TBCEL: variants seen among roughly 807,000 people sequenced by gnomAD.
TBCEL encodes tubulin-specific chaperone cofactor E-like protein.
TBCEL carries 15 observed loss-of-function variants against 44.2 expected under a neutral mutation model. The ratio of observed to expected loss-of-function variants is 0.34; its 90% CI spans 0.23 to 0.52. The LOEUF is 0.52. Ranked by LOEUF, TBCEL falls within the 20% of genes least tolerant of loss-of-function variation. The pLI is 0.95. For synonymous variants in TBCEL, 171 were observed against 185.4 expected (o/e 0.92, Z 0.63); for missense variants, 319 against 506.3 (o/e 0.63, Z 3.55).
At chr11:121,061,025 A>G (rs532562420) in intron 8 of TBCEL, among the ~76,000 whole-genome samples, 9 of 152,198 alleles carry the variant, frequency 5.9e-5, no homozygotes, top group Admixed American at 3.9e-4. Context: ...AATCAGTGTC[A>G]TATAACAAGA....
rs1591389500 is a variant in TBCEL at position 121,045,666 on chromosome 11, T to G, written c.-17-8T>G. 6.4e-7 allele frequency: 1 copy of G among 1,556,048 alleles called. No homozygotes were observed. Among genetic ancestry groups the G allele is most frequent in the Non-Finnish European group, 8.7e-7 (1 of 1,155,668 alleles). On this transcript the variant is annotated splice_region_variant and splice_polypyrimidine_tract_variant and intron_variant, in intron 2 of 8. Transcript: ENST00000683345. ...TACATAATTTGATTATTTCTTGGTT[T>G]CTTGTAGCATTTTAAGAAAGAAAGA...
chr11:121,088,951 G>C lies in TBCEL; in HGVS notation c.*1855G>C, dbSNP rs937319326. 8 of 152,114 alleles carry C rather than the reference G, an allele frequency of 5.3e-5. No homozygotes were observed. Among genetic ancestry groups the C allele is most frequent in the Non-Finnish European group, 7.4e-5 (5 of 68,024 alleles). 9.4% of individuals were successfully genotyped at this position (152,114 alleles called of 1,614,324 possible). A position where few individuals can be genotyped will look rare whatever the true frequency, so the allele number is the denominator to read the frequency against. On this transcript the variant is annotated 3_prime_UTR_variant, in exon 9 of 9. Transcript: ENST00000683345. The stretch of plus-strand genomic sequence containing the variant: ...AAATGAGCAATGGAGATCCAGGCTG[G>C]GTATAGACAAGAATAATTATTTTGC...
intron 2 of TBCEL, among the ~76,000 whole-genome samples, chr11:121,044,188 C>T (rs1359387473): frequency 6.6e-6 from 1 of 152,120 alleles, no homozygotes; most frequent in Non-Finnish European, 1.5e-5. Context: ...GATCTCTCTG[C>T]TGTATTTTTG....
chr11:121,068,661 A>G (rs1423940858), intron 8 of TBCEL, among the ~76,000 whole-genome samples: 1 of 151,996 alleles, frequency 6.6e-6, no homozygotes, highest in Non-Finnish European at 1.5e-5. Context: ...AGGTGTGCAG[A>G]TCATCTGAGG....
At chr11:121,043,304 T>G (rs1353374102) in intron 2 of TBCEL, among the ~76,000 whole-genome samples, 1 of 152,098 alleles carries the variant, frequency 6.6e-6, no homozygotes, top group Non-Finnish European at 1.5e-5. Context: ...GAATTGATAC[T>G]GAAAGAAATA....
rs1945000211 is a variant in TBCEL at position 121,024,154 on chromosome 11, G to C, written c.-263G>C. The stretch of plus-strand genomic sequence containing the variant: ...CTCCGGCGGCCAGAGTGGGGGACTA[G>C]GTGAAGCGGCGCCGGGCCGGGGCTG... On this transcript the variant is annotated 5_prime_UTR_variant, in exon 1 of 9. Coordinates refer to ENST00000683345, the MANE Select transcript of TBCEL (RefSeq NM_001363644.2). 6.5e-6 allele frequency: 1 copy of C among 153,268 alleles called. No individual in the cohort carries two copies. 9.5% of individuals were successfully genotyped at this position (153,268 alleles called of 1,614,324 possible). A position where few individuals can be genotyped will look rare whatever the true frequency, so the allele number is the denominator to read the frequency against.
intron 8 of TBCEL, among the ~76,000 whole-genome samples, chr11:121,064,255 T>G (rs1303288130): frequency 1.3e-5 from 2 of 152,238 alleles, no homozygotes; most frequent in Non-Finnish European, 2.9e-5. Flanking sequence ...CAGACCTGTC[T>G]ACTCTTACAA....
At chr11:121,071,005 A>C (rs777740925) in intron 8 of TBCEL, among the ~76,000 whole-genome samples, 1 of 152,196 alleles carries the variant, frequency 6.6e-6, no homozygotes, top group Non-Finnish European at 1.5e-5. Flanking sequence ...CACATCGTGA[A>C]GTTGTACTTG....
intron 8 of TBCEL, among the ~76,000 whole-genome samples, chr11:121,086,365 AG>A (rs982272894): frequency 2.0e-5 from 3 of 152,232 alleles, no homozygotes; most frequent in Admixed American, 2.0e-4. Context: ...TCCAGGCCTC[AG>A]AAACTGCTGG....
At chr11:121,043,077 C>T (rs746659470) in intron 2 of TBCEL, among the ~76,000 whole-genome samples, 3 of 152,090 alleles carry the variant, frequency 2.0e-5, no homozygotes, top group Non-Finnish European at 4.4e-5. Flanking sequence ...ATAGTAGAGA[C>T]GTTAATACCT....
chr11:121,031,933 C>T (rs979367012), intron 1 of TBCEL, among the ~76,000 whole-genome samples: 1 of 152,114 alleles, frequency 6.6e-6, no homozygotes, highest in East Asian at 1.9e-4. Flanking sequence ...CCTGGAATTA[C>T]AGATGTAAGC....
At chr11:121,048,987 A>G (rs1355276700) in intron 4 of TBCEL, among the ~76,000 whole-genome samples, 4 of 151,822 alleles carry the variant, frequency 2.6e-5, no homozygotes, top group Non-Finnish European at 5.9e-5. Context: ...CAGAGCACCT[A>G]CACTATACCA....
intron 4 of TBCEL, among the ~76,000 whole-genome samples, chr11:121,052,536 CT>C (rs1945547507): frequency 1.3e-5 from 2 of 151,842 alleles, no homozygotes; most frequent in East Asian, 1.9e-4. Flanking sequence ...TTTCTTATAG[CT>C]TTTACTTACC....
chr11:121,082,871 A>T (rs1051567171), intron 8 of TBCEL, among the ~76,000 whole-genome samples: 1 of 152,148 alleles, frequency 6.6e-6, no homozygotes, highest in African/African-American at 2.4e-5. Context: ...CCTGGTGCTG[A>T]TCACACCACT....
intron 8 of TBCEL, among the ~76,000 whole-genome samples, chr11:121,064,561 A>G (rs543428419): frequency 1.3e-5 from 2 of 152,284 alleles, no homozygotes; most frequent in Admixed American, 1.3e-4. Context: ...CTACTTTCCT[A>G]TGCACTAGTG....
At chr11:121,060,919 T>A (rs1167963527) in intron 8 of TBCEL, among the ~76,000 whole-genome samples, 1 of 152,030 alleles carries the variant, frequency 6.6e-6, no homozygotes, top group Non-Finnish European at 1.5e-5. Flanking sequence ...TAATTTATTC[T>A]GTGGTTCTAA....
intron 8 of TBCEL, among the ~76,000 whole-genome samples, chr11:121,073,567 C>T (rs1375225150): frequency 6.6e-6 from 1 of 151,780 alleles, no homozygotes; most frequent in East Asian, 1.9e-4. Context: ...CATATCTATA[C>T]ATAATTTTTA....
intron 8 of TBCEL, among the ~76,000 whole-genome samples, chr11:121,076,044 G>A (rs1232029931): frequency 6.6e-6 from 1 of 151,860 alleles, no homozygotes; most frequent in Non-Finnish European, 1.5e-5. Flanking sequence ...ATTGACCCAT[G>A]TCTGTGTCCT....
At chr11:121,072,012 C>T (rs1479564141) in intron 8 of TBCEL, among the ~76,000 whole-genome samples, 1 of 152,112 alleles carries the variant, frequency 6.6e-6, no homozygotes, top group African/African-American at 2.4e-5. Flanking sequence ...CACATTCAGC[C>T]GTGAGTCTGA....
Sources: gnomAD v4.1 joint callset for allele counts (sites outside exome capture counted in the v4.1 genomes callset) on GRCh38, gnomAD v4.1.1 for gene constraint, MANE v1.5 for transcripts, NCBI Gene and HGNC (gene_info 2026-07-23, HGNC 2026-07-21) for gene names.